GRIP1: variants seen among roughly 807,000 people sequenced by gnomAD.
GRIP1 encodes glutamate receptor-interacting protein 1.
In GRIP1, 45 loss-of-function variants were observed where a neutral mutation model predicts 129.9. The ratio of observed to expected loss-of-function variants is 0.35; its 90% CI spans 0.27 to 0.44. GRIP1 has a LOEUF of 0.44. GRIP1 is among the 20% of genes least tolerant of loss of function. The pLI is 1.00. For missense variants in GRIP1, 1,196 were observed against 1,396.8 expected (o/e 0.86, Z 2.29); for synonymous variants, 530 against 520.8 (o/e 1.02, Z -0.24).
chr12:66,533,236 A>G (rs751467109), intron 4 of GRIP1, among the ~76,000 whole-genome samples: 18 of 151,990 alleles, frequency 1.2e-4, no homozygotes, highest in Admixed American at 2.6e-4. Flanking sequence ...GGGTCTTTCT[A>G]TGTTGCCCAG....
chr12:66,737,153 C>T (rs1158263167), intron 1 of GRIP1, among the ~76,000 whole-genome samples: 4 of 152,112 alleles, frequency 2.6e-5, no homozygotes, highest in South Asian at 4.2e-4. Context: ...TATGTCATTC[C>T]CCTCAGTTGC....
At chr12:66,997,160 C>T (rs148512113) in intron 1 of GRIP1, among the ~76,000 whole-genome samples, 9 of 152,238 alleles carry the variant, frequency 5.9e-5, no homozygotes, top group African/African-American at 1.9e-4. Context: ...TGACATTTCT[C>T]TAAGAATTTA....
rs137902977 is a variant in GRIP1, at chr12:66,532,186, T to C, written c.419-2272A>G. 2.6e-3 allele frequency among the ~76,000 whole-genome samples: 398 copies of C among 152,342 alleles called. 11 individuals carry two copies. The East Asian group carries it at 0.058, about 22-fold the overall frequency. ...CTGCGTTTTAATACAATTAATGAAA[T>C]AGATTTGGTCTTTCTTGTTTTTATT... is the stretch of plus-strand genomic sequence containing the variant. On this transcript the variant is annotated intron_variant, in intron 4 of 24. Transcript: ENST00000359742.
intron 3 of GRIP1, among the ~76,000 whole-genome samples, chr12:66,540,729 T>C (rs568087999): frequency 6.6e-6 from 1 of 152,366 alleles, no homozygotes; most frequent in East Asian, 1.9e-4. Context: ...ATTATGTGGA[T>C]ATGAATATTG....
chr12:66,401,605 TATATAC>T lies in GRIP1; in HGVS notation c.1984+4672_1984+4677del, dbSNP rs1320055046. Among the ~76,000 whole-genome samples, 54 of 124,484 alleles carry T rather than the reference TATATAC, an allele frequency of 4.3e-4. 5 individuals are homozygous for T. Among genetic ancestry groups the T allele is most frequent in the African/African-American group, 1.8e-3 (52 of 29,476 alleles). 81.7% of individuals were successfully genotyped at this position (124,484 alleles called of 152,430 possible). On this transcript the variant is annotated intron_variant, in intron 16 of 24. Coordinates refer to ENST00000359742, the MANE Select transcript of GRIP1 (RefSeq NM_001366722.1). ...AAAAAAAAAAATATGTGTGTATATATATATACACACACACACACACACACACACACA... is the reference window on the plus strand; with the variant it reads ...AAAAAAAAAAATATGTGTGTATATATACACACACACACACACACACACACA...
intron 1 of GRIP1, among the ~76,000 whole-genome samples, chr12:66,822,592 G>A (rs2039339537): frequency 6.6e-6 from 1 of 152,112 alleles, no homozygotes; most frequent in Non-Finnish European, 1.5e-5. Context: ...CAAAGACATG[G>A]AATCAACCTA....
chr12:66,449,058 C>T (rs1351050359), intron 11 of GRIP1, among the ~76,000 whole-genome samples: 4 of 152,188 alleles, frequency 2.6e-5, no homozygotes, highest in African/African-American at 9.6e-5. Flanking sequence ...TCAGCTCTTG[C>T]TCTGGGTCCT....
At chr12:66,963,608 T>A (rs187579875) in intron 1 of GRIP1, among the ~76,000 whole-genome samples, 1 of 152,050 alleles carries the variant, frequency 6.6e-6, no homozygotes, top group East Asian at 1.9e-4. Context: ...AATTCAAGAG[T>A]TTTTTGGAAG....
intron 1 of GRIP1, among the ~76,000 whole-genome samples, chr12:66,787,653 C>T (rs9652022): frequency 0.016 from 2,474 of 152,184 alleles, 80 homozygotes; most frequent in African/African-American, 0.057. Context: ...TGTAAGGACA[C>T]AGCTAGAAGG....
chr12:67,050,788 C>A (rs1292381031), intron 1 of GRIP1, among the ~76,000 whole-genome samples: 1 of 152,112 alleles, frequency 6.6e-6, no homozygotes, highest in Non-Finnish European at 1.5e-5. Context: ...GCAACCTCTG[C>A]CCACTGCTTT....
chr12:66,536,026 CT>C (rs1320724761), intron 4 of GRIP1, among the ~76,000 whole-genome samples: 2 of 152,158 alleles, frequency 1.3e-5, no homozygotes, highest in African/African-American at 2.4e-5. Flanking sequence ...TTAACGGATA[CT>C]CTGTCCTTCC....
chr12:66,359,239 A>G (rs1202352527), intron 23 of GRIP1, among the ~76,000 whole-genome samples: 1 of 152,164 alleles, frequency 6.6e-6, no homozygotes, highest in African/African-American at 2.4e-5. Flanking sequence ...TAAGCTTTCA[A>G]TGGGAGCTAG....
At chr12:66,916,600 C>T (rs954820244) in intron 1 of GRIP1, among the ~76,000 whole-genome samples, 1 of 151,872 alleles carries the variant, frequency 6.6e-6, no homozygotes, top group African/African-American at 2.4e-5. Context: ...TTTTTAAATG[C>T]AAAATGTATC....
intron 13 of GRIP1, among the ~76,000 whole-genome samples, chr12:66,439,795 C>T (rs530566921): frequency 6.6e-6 from 1 of 152,084 alleles, no homozygotes; most frequent in Non-Finnish European, 1.5e-5. Flanking sequence ...TTTGAACCTC[C>T]CTGACTAGTT....
At chr12:66,760,541 A>G (rs111604956) in intron 1 of GRIP1, among the ~76,000 whole-genome samples, 1,987 of 152,164 alleles carry the variant, frequency 0.013, 53 homozygotes, top group African/African-American at 0.046. Context: ...ATCAGATCTC[A>G]TGAGACTTAT....
intron 8 of GRIP1, among the ~76,000 whole-genome samples, chr12:66,464,516 GA>G (rs1376784244): frequency 6.6e-6 from 1 of 152,110 alleles, no homozygotes; most frequent in African/African-American, 2.4e-5. Context: ...AAGAAACAAA[GA>G]AATCAGATTT....
chr12:66,649,521 C>A (rs556524894), intron 1 of GRIP1, among the ~76,000 whole-genome samples: 1 of 152,262 alleles, frequency 6.6e-6, no homozygotes, highest in African/African-American at 2.4e-5. Context: ...TATAGGGATA[C>A]AAAGATGGGC....
chr12:66,682,436 T>C (rs1294344030), upstream of GRIP1, among the ~76,000 whole-genome samples: 2 of 152,290 alleles, frequency 1.3e-5, no homozygotes, highest in Admixed American at 6.5e-5. Context: ...ATCACCTCCA[T>C]TGACAATATG....
At chr12:66,835,375 T>G (rs184538389) in intron 1 of GRIP1, among the ~76,000 whole-genome samples, 1 of 152,238 alleles carries the variant, frequency 6.6e-6, no homozygotes, top group Admixed American at 6.5e-5. Context: ...AACCTGCACA[T>G]GGATGTTTAT....
Sources: gnomAD v4.1 joint callset for allele counts (sites outside exome capture counted in the v4.1 genomes callset) on GRCh38, gnomAD v4.1.1 for gene constraint, MANE v1.5 for transcripts, NCBI Gene and HGNC (gene_info 2026-07-23, HGNC 2026-07-21) for gene names.